Variants in MRC1 observed in about 807,000 individuals in gnomAD.
MRC1 encodes the protein mannose receptor C-type 1.
A neutral mutation model predicts 102.9 loss-of-function variants in MRC1; 62 were observed. The observed-to-expected ratio is 0.60, with a 90% CI of 0.49 to 0.74. MRC1 has a LOEUF of 0.74. Ranked by LOEUF, MRC1 falls within the 30% of genes least tolerant of loss-of-function variation. MRC1 has a pLI of 0.00. For missense variants in MRC1, 1,237 were observed against 862.8 expected (o/e 1.43, Z -5.43); for synonymous variants, 457 against 298.4 (o/e 1.53, Z -5.48).
chr10:17,845,467 A>G (rs1554840154), intron 6 of MRC1, 32 bp downstream of exon 6: 2 of 780,386 alleles, frequency 2.6e-6, no homozygotes, highest in East Asian at 2.4e-5. Flanking sequence ...AAGTGCCTCA[A>G]CTATTAGAAT....
intron 29 of MRC1, 80 bp downstream of exon 29, chr10:17,909,427 C>T (rs1833939562): frequency 1.3e-6 from 1 of 785,182 alleles, no homozygotes; most frequent in Non-Finnish European, 2.3e-6. Flanking sequence ...ATCATAATCC[C>T]TTCCAACTCC....
intron 29 of MRC1, 132 bp from the exon 30 acceptor site, chr10:17,910,079 ATCTT>A (rs1669086553): frequency 4.1e-6 from 3 of 733,404 alleles, no homozygotes; most frequent in Admixed American, 1.9e-5. Flanking sequence ...TTGTTTTCAC[ATCTT>A]TCTTTTCTGT....
chr10:17,905,084 G>A lies in MRC1; in HGVS notation c.3800-1802G>A, dbSNP rs944639570. On this transcript the variant is annotated intron_variant, in intron 26 of 29. Coordinates refer to ENST00000569591, the MANE Select transcript of MRC1 (RefSeq NM_002438.4). ...AGCTTTGCGAGTGGGGTTTTCTAGG[G>A]AACTGTAAGACAGGTCAAGTAATGG... Among the ~76,000 whole-genome samples, 52 of 152,286 alleles carry A rather than the reference G, an allele frequency of 3.4e-4. 1 individual carries two copies. The highest frequency in any genetic ancestry group is 1.3e-3 in the African/African-American group (52 of 41,552).
rs1833411938 is a variant in MRC1, at chr10:17,875,150, A to C, written c.2447A>C (p.Lys816Thr). ...IYKDYQYYFS[K>T]EKETMDNARA... ...AAAGACTACCAGTATTATTTCAGCAAAGAGAAGGAAACCATGGACAATGCG... is the reference window on the plus strand; with the variant it reads ...AAAGACTACCAGTATTATTTCAGCACAGAGAAGGAAACCATGGACAATGCG... Residue 816 changes from lysine (K) to threonine (T), a missense_variant, in exon 17 of 30, where the codon AAA becomes ACA. Physicochemically the swap from Lys to Thr is moderately conservative, Grantham distance 78. Coordinates refer to ENST00000569591, the MANE Select transcript of MRC1 (RefSeq NM_002438.4). 1 of 780,762 alleles carries C rather than the reference A, an allele frequency of 1.3e-6. No homozygotes were observed. Among genetic ancestry groups the C allele is most frequent in the African/African-American group, 1.7e-5 (1 of 59,144 alleles). The allele number at this position is 780,762 out of a possible 1,614,324, so 48.4% of individuals were successfully genotyped here. A position where few individuals can be genotyped will look rare whatever the true frequency, so the allele number is the denominator to read the frequency against.
At chr10:17,841,508 T>G (rs1838749006) in intron 5 of MRC1, among the ~76,000 whole-genome samples, 1 of 152,250 alleles carries the variant, frequency 6.6e-6, no homozygotes, top group Non-Finnish European at 1.5e-5. Context: ...TACAACAGCT[T>G]TCTAATTTTT....
At chr10:17,853,155 A>G in intron 8 of MRC1, 31 bp downstream of exon 8, 1 of 779,628 alleles carries the variant, frequency 1.3e-6, no homozygotes, top group Non-Finnish European at 2.4e-6. Context: ...GATATTTATA[A>G]TGAAAGTCAC....
chr10:17,909,280 A>T (rs1554844086), intron 28 of MRC1, 26 bp from the exon 29 acceptor site: 1 of 844,428 alleles, frequency 1.2e-6, no homozygotes, highest in South Asian at 1.3e-5. Context: ...CTGGGTTTTT[A>T]TAAATTTTTT....
chr10:17,883,043 T>C (rs1833540710), intron 21 of MRC1, among the ~76,000 whole-genome samples: 2 of 152,172 alleles, frequency 1.3e-5, no homozygotes, highest in Non-Finnish European at 2.9e-5. Flanking sequence ...GGTAGAGCTT[T>C]TCCATGTTTC....
intron 10 of MRC1, among the ~76,000 whole-genome samples, chr10:17,862,486 G>A (rs1833198676): frequency 1.3e-5 from 2 of 152,078 alleles, no homozygotes; most frequent in Admixed American, 6.6e-5. Context: ...TTGGACATTT[G>A]TGCATCTACA....
chr10:17,827,408 AAAGAAATCC>A, intron 2 of MRC1, 125 bp from the exon 3 acceptor site: 1 of 308,806 alleles, frequency 3.2e-6, no homozygotes. Context: ...AAAAAAAAAA[AAAGAAATCC>A]CTCTGTGGGT....
rs1833836117 is a variant in MRC1 at position 17,902,026 on chromosome 10, C to G, written c.3703C>G (p.His1235Asp). The G allele has an allele frequency of 1.3e-6, 1 of 780,726 alleles. No individual in the cohort carries two copies. Among genetic ancestry groups the G allele is most frequent in the Non-Finnish European group, 2.4e-6 (1 of 417,968 alleles). The allele number at this position is 780,726 out of a possible 1,614,324, so 48.4% of individuals were successfully genotyped here. A position where few individuals can be genotyped will look rare whatever the true frequency, so the allele number is the denominator to read the frequency against. Residue 1235 changes from histidine to aspartate, a missense_variant, in exon 26 of 30, where the codon CAC (histidine) becomes GAC (aspartate). Coordinates refer to ENST00000569591, the MANE Select transcript of MRC1 (RefSeq NM_002438.4). Reference protein sequence around the residue: ...QLPGRCPESDHTAWIPFHGHC... With the variant: ...QLPGRCPESDDTAWIPFHGHC... ...GCCTGGCAGATGCCCGGAGTCAGAT[C>G]ACACAGCATGGATTCCTTTCCATGG... is the stretch of plus-strand genomic sequence containing the variant.
Position 17,900,924 on chromosome 10 carries a change from G to A in MRC1, c.3620G>A (p.Ser1207Asn). The A allele has an allele frequency of 1.3e-6, 1 of 780,512 alleles. No individual in the cohort carries two copies. The highest frequency in any genetic ancestry group is 2.4e-6 in the Non-Finnish European group (1 of 417,872). 48.3% of individuals were successfully genotyped at this position (780,512 alleles called of 1,614,324 possible). A position where few individuals can be genotyped will look rare whatever the true frequency, so the allele number is the denominator to read the frequency against. Residue 1207 changes from serine (S) to asparagine (N), a missense_variant, in exon 25 of 30, where the codon AGT becomes AAT. Coordinates refer to ENST00000569591, the MANE Select transcript of MRC1 (RefSeq NM_002438.4). Reference protein sequence around the residue: ...GYWKTAHCNESFYFLCKRSDE... With the variant: ...GYWKTAHCNENFYFLCKRSDE... ...TGGAAGACAGCACATTGCAATGAAA[G>A]TTTTTACTTTCTCTGTAAAAGATCA... is the stretch of plus-strand genomic sequence containing the variant.
intron 1 of MRC1, among the ~76,000 whole-genome samples, chr10:17,811,031 G>C (rs1838213437): frequency 6.6e-6 from 1 of 152,178 alleles, no homozygotes; most frequent in Admixed American, 6.5e-5. Flanking sequence ...GACCTCAAGT[G>C]ATCTGCCCTC....
At chr10:17,891,771 C>T (rs1833679973) in intron 22 of MRC1, among the ~76,000 whole-genome samples, 1 of 152,168 alleles carries the variant, frequency 6.6e-6, no homozygotes, top group African/African-American at 2.4e-5. Flanking sequence ...GTTTCTGTCT[C>T]TCCTGTTGTC....
At chr10:17,855,887 G>A (rs1833082407) in intron 8 of MRC1, among the ~76,000 whole-genome samples, 1 of 152,022 alleles carries the variant, frequency 6.6e-6, no homozygotes, top group African/African-American at 2.4e-5. Flanking sequence ...GTCCAAAATT[G>A]GCCGGGCGCA....
At chr10:17,829,022 C>A (rs1198728709) in intron 3 of MRC1, among the ~76,000 whole-genome samples, 1 of 151,434 alleles carries the variant, frequency 6.6e-6, no homozygotes, top group African/African-American at 2.5e-5. Flanking sequence ...TTACCCCCGA[C>A]CTCTCACCTG....
At chr10:17,830,880 TCTA>T (rs1479454955) in intron 3 of MRC1, among the ~76,000 whole-genome samples, 1 of 128,186 alleles carries the variant, frequency 7.8e-6, no homozygotes, top group Non-Finnish European at 1.6e-5. Flanking sequence ...TCTCACATTT[TCTA>T]CTATATATAT....
chr10:17,871,379 A>G (rs1833352408), intron 14 of MRC1, among the ~76,000 whole-genome samples: 2 of 152,142 alleles, frequency 1.3e-5, no homozygotes, highest in Non-Finnish European at 2.9e-5. Context: ...TTATATTTAC[A>G]TCTCTGGAAA....
intron 1 of MRC1, among the ~76,000 whole-genome samples, chr10:17,813,168 A>G (rs1307381235): frequency 1.3e-5 from 2 of 152,192 alleles, no homozygotes; most frequent in East Asian, 3.8e-4. Context: ...ATGTAGATCC[A>G]GGACTTTGCT....
Sources: gnomAD v4.1 joint callset for allele counts (sites outside exome capture counted in the v4.1 genomes callset) on GRCh38, gnomAD v4.1.1 for gene constraint, MANE v1.5 for transcripts, NCBI Gene and HGNC (gene_info 2026-07-23, HGNC 2026-07-21) for gene names.